PEA15: variants seen among roughly 807,000 people sequenced by gnomAD.
The protein encoded by PEA15 is astrocytic phosphoprotein PEA-15.
For synonymous variants in PEA15, 60 were observed against 61.8 expected, an observed-to-expected ratio of 0.97 and a Z score of 0.13; for missense variants, 77 against 161.3, an observed-to-expected ratio of 0.48 and a Z score of 2.83.
rs777500186 is a variant in PEA15 at position 160,208,714 on chromosome 1, C to T, written c.-2-2829C>T. 2.6e-5 allele frequency: 38 copies of T among 1,452,772 alleles called. No individual in the cohort carries two copies. The highest frequency in any genetic ancestry group is 3.5e-5 in the Non-Finnish European group (37 of 1,058,186). The allele number at this position is 1,452,772 out of a possible 1,614,324, so 90.0% of individuals were successfully genotyped here. On this transcript the variant is annotated intron_variant, in intron 1 of 3. Transcript: ENST00000360472. The surrounding 1 kb of genome is among the most constrained non-coding windows in gnomAD (Gnocchi z 4.1). ...TTGAGAGCAGTTCCCCTAAACAACA[C>T]TCCCTTTGCTTCTTCTGCCATACTA...
intron 1 of PEA15, chr1:160,207,056 T>C (rs1292151055): frequency 6.6e-6 from 1 of 152,452 alleles, no homozygotes; most frequent in Non-Finnish European, 1.5e-5. Context: ...ATGATGGATA[T>C]CTTCACCAGC....
Position 160,213,766 on chromosome 1 carries a change from A to T in PEA15, c.*280A>T. On this transcript the variant is annotated 3_prime_UTR_variant, in exon 4 of 4. Coordinates refer to ENST00000360472, the MANE Select transcript of PEA15 (RefSeq NM_003768.5). The surrounding 1 kb of genome is among the most constrained non-coding windows in gnomAD (Gnocchi z 5.3). ...GGAGGTGGGGGCTATTTCTATGCAA[A>T]TAGAAATCAGCACATTCCTCCTACT... 2.4e-6 allele frequency: 1 copy of T among 423,738 alleles called. No individual in the cohort carries two copies. The highest frequency in any genetic ancestry group is 3.8e-5 in the Admixed American group (1 of 26,102). 26.2% of individuals were successfully genotyped at this position (423,738 alleles called of 1,614,324 possible). A position where few individuals can be genotyped will look rare whatever the true frequency, so the allele number is the denominator to read the frequency against.
chr1:160,209,026 C>T (rs1369332082), intron 1 of PEA15, among the ~76,000 whole-genome samples: 2 of 152,164 alleles, frequency 1.3e-5, no homozygotes, highest in African/African-American at 4.8e-5. Flanking sequence ...CTTTCTGTCT[C>T]CCAACTCCAG....
At chr1:160,211,937 C>T (rs916011255) in intron 2 of PEA15, among the ~76,000 whole-genome samples, 1 of 152,032 alleles carries the variant, frequency 6.6e-6, no homozygotes, top group Non-Finnish European at 1.5e-5. Flanking sequence ...ATCACATATA[C>T]AACAGAACAT....
In PEA15 at chr1:160,214,598, C is replaced by T. The variant is rs1375133582; in HGVS notation, c.*1112C>T. The T allele has an allele frequency of 6.6e-6, 1 of 152,624 alleles. No homozygotes were observed. The highest frequency in any genetic ancestry group is 1.5e-5 in the Non-Finnish European group (1 of 68,074). The allele number at this position is 152,624 out of a possible 1,614,324, so 9.5% of individuals were successfully genotyped here. On this transcript the variant is annotated 3_prime_UTR_variant, in exon 4 of 4. Transcript: ENST00000360472. The stretch of plus-strand genomic sequence containing the variant: ...ACCCTGACCGTGCTAACTGTGTGTA[C>T]ATATATATTCTACATATATGTATAT...
chr1:160,213,038 C>G lies in PEA15; in HGVS notation c.173-72C>G, dbSNP rs1654940725. ...CAGCAACTCAGCTTTGGTTCCAGGT[C>G]ACTAGTCTGGTGGAGTAGGGGAAGC... On this transcript the variant is annotated intron_variant, in intron 2 of 3. Transcript: ENST00000360472. This position sits in a 1 kb window ranked among gnomAD's most constrained non-coding sequence, Gnocchi z 5.3. The G allele has an allele frequency of 6.6e-7, 1 of 1,522,642 alleles. No homozygotes were observed. Among genetic ancestry groups the G allele is most frequent in the Non-Finnish European group, 9.1e-7 (1 of 1,100,440 alleles). 94.3% of individuals were successfully genotyped at this position (1,522,642 alleles called of 1,614,324 possible).
At chr1:160,212,110 A>G (rs1010864135) in intron 2 of PEA15, among the ~76,000 whole-genome samples, 5 of 152,208 alleles carry the variant, frequency 3.3e-5, no homozygotes, top group African/African-American at 1.2e-4. Flanking sequence ...AACTGGTAAA[A>G]TTTAAAACTA....
intron 1 of PEA15, among the ~76,000 whole-genome samples, chr1:160,207,444 G>A (rs1052500734): frequency 3.0e-4 from 45 of 152,110 alleles, no homozygotes; most frequent in African/African-American, 9.2e-4. Flanking sequence ...GCCATCAGCC[G>A]GCCCTCCTCT....
chr1:160,213,619 CGTGT>C lies in PEA15; in HGVS notation c.*139_*142del. On this transcript the variant is annotated 3_prime_UTR_variant, in exon 4 of 4. Transcript: ENST00000360472. The surrounding 1 kb of genome is among the most constrained non-coding windows in gnomAD (Gnocchi z 5.3). ...CTGGTCCTAACCCCCTTACTGTGCGCGTGTGTGTGCGTGTGCGCACGCTCTGGCT... is the reference window on the plus strand; with the variant it reads ...CTGGTCCTAACCCCCTTACTGTGCGCGTGTGCGTGTGCGCACGCTCTGGCT... 4.3e-6 allele frequency: 2 copies of C among 463,710 alleles called. No homozygotes were observed. Among genetic ancestry groups the C allele is most frequent in the South Asian group, 1.8e-5 (1 of 56,670 alleles). The allele number at this position is 463,710 out of a possible 1,614,324, so 28.7% of individuals were successfully genotyped here.
chr1:160,212,806 A>T (rs912190286), intron 2 of PEA15, among the ~76,000 whole-genome samples: 4 of 151,856 alleles, frequency 2.6e-5, no homozygotes, highest in Admixed American at 1.3e-4. Flanking sequence ...AGTCAAGTTG[A>T]TTTTTCTTTT....
intron 1 of PEA15, chr1:160,206,176 C>T (rs1230622820): frequency 2.0e-5 from 3 of 152,398 alleles, no homozygotes; most frequent in Non-Finnish European, 4.4e-5. Context: ...ACAAACGTCC[C>T]TGGACTACGC....
At position 160,208,716 on chromosome 1, in the gene PEA15, C is replaced by T; in HGVS notation, c.-2-2827C>T. 6.9e-7 allele frequency: 1 copy of T among 1,446,820 alleles called. No homozygotes were observed. Among genetic ancestry groups the T allele is most frequent in the Non-Finnish European group, 9.5e-7 (1 of 1,052,696 alleles). 89.6% of individuals were successfully genotyped at this position (1,446,820 alleles called of 1,614,324 possible). On this transcript the variant is annotated intron_variant, in intron 1 of 3. Transcript: ENST00000360472. This position sits in a 1 kb window ranked among gnomAD's most constrained non-coding sequence, Gnocchi z 4.1. The stretch of plus-strand genomic sequence containing the variant: ...GAGAGCAGTTCCCCTAAACAACACT[C>T]CCTTTGCTTCTTCTGCCATACTAAG...
At position 160,213,413 on chromosome 1, in the gene PEA15, T is replaced by G; in HGVS notation, c.329-9T>G. The stretch of plus-strand genomic sequence containing the variant: ...TGCTGTCCCTGGACACATACCTTTT[T>G]GCCCCCAGACATTATCCGGCAGCCC... On this transcript the variant is annotated splice_polypyrimidine_tract_variant and intron_variant, in intron 3 of 3. Transcript: ENST00000360472. The surrounding 1 kb of genome is among the most constrained non-coding windows in gnomAD (Gnocchi z 5.3). 2 of 1,614,138 alleles carry G rather than the reference T, an allele frequency of 1.2e-6. No individual in the cohort carries two copies. Among genetic ancestry groups the G allele is most frequent in the Non-Finnish European group, 1.7e-6 (2 of 1,179,984 alleles).
intron 1 of PEA15, among the ~76,000 whole-genome samples, chr1:160,210,714 C>A (rs892924805): frequency 6.6e-6 from 1 of 152,216 alleles, no homozygotes; most frequent in African/African-American, 2.4e-5. Context: ...CCTCCCCCCA[C>A]CACCCAGCCA....
In PEA15 at chr1:160,214,272, A is replaced by G. The variant is rs972921334; in HGVS notation, c.*786A>G. 6.6e-6 allele frequency: 1 copy of G among 152,562 alleles called. No individual in the cohort carries two copies. The highest frequency in any genetic ancestry group is 6.5e-5 in the Admixed American group (1 of 15,274). 9.5% of individuals were successfully genotyped at this position (152,562 alleles called of 1,614,324 possible). On this transcript the variant is annotated 3_prime_UTR_variant, in exon 4 of 4. Coordinates refer to ENST00000360472, the MANE Select transcript of PEA15 (RefSeq NM_003768.5). ...CACTCTAAACCTAGGGAGGTTGAAG[A>G]ATGAGACCCTTAGGTTTTAACACGA...
rs1655035187 is a variant in PEA15, at chr1:160,214,713, C to T, written c.*1227C>T. ...GAGCGGGGGTGGGAGGGGAATGCCA[C>T]AGTGAAGGGAGTGGCAGAATCAAAT... On this transcript the variant is annotated 3_prime_UTR_variant, in exon 4 of 4. Transcript: ENST00000360472. The T allele has an allele frequency of 6.6e-6, 1 of 152,604 alleles. No homozygotes were observed. The highest frequency in any genetic ancestry group is 1.5e-5 in the Non-Finnish European group (1 of 68,044). The allele number at this position is 152,604 out of a possible 1,614,324, so 9.5% of individuals were successfully genotyped here.
chr1:160,211,763 A>C, intron 2 of PEA15, 47 bp downstream of exon 2: 5 of 1,564,650 alleles, frequency 3.2e-6, no homozygotes, highest in African/African-American at 1.4e-5. Flanking sequence ...ATTCAGGCTC[A>C]GTTCATTCAG....
At chr1:160,209,425 AGTGT>A (rs1340580076) in intron 1 of PEA15, among the ~76,000 whole-genome samples, 1 of 152,026 alleles carries the variant, frequency 6.6e-6, no homozygotes, top group Admixed American at 6.5e-5. Context: ...TTTGTGGGTG[AGTGT>A]GTTACACACA....
chr1:160,211,640 C>T lies in PEA15; in HGVS notation c.96C>T (p.Pro32=). The change falls in exon 2 of 4, where the codon CCC becomes CCT. Residue 32 remains proline, a synonymous_variant. Coordinates refer to ENST00000360472, the MANE Select transcript of PEA15 (RefSeq NM_003768.5). Reference sequence around the variant, plus strand: ...AGTCGGCCTGCAAGGAAGACATCCCCAGCGAAAAGAGTGAGGAGATCACTA... The same window carrying T: ...AGTCGGCCTGCAAGGAAGACATCCCTAGCGAAAAGAGTGAGGAGATCACTA... ...QLKSACKEDI[P]SEKSEEITTG... is the part of the protein sequence containing the mutation. 6.2e-7 allele frequency: 1 copy of T among 1,614,126 alleles called. No homozygotes were observed. The highest frequency in any genetic ancestry group is 8.5e-7 in the Non-Finnish European group (1 of 1,180,000).
Sources: allele counts gnomAD v4.1 joint callset (sites outside exome capture counted in the v4.1 genomes callset), GRCh38; gene constraint gnomAD v4.1.1; non-coding constraint Gnocchi (gnomAD v3.1); transcripts MANE v1.5; gene names NCBI Gene and HGNC (gene_info 2026-07-23, HGNC 2026-07-21).